MTAP: variants seen among roughly 807,000 people sequenced by gnomAD.
MTAP encodes S-methyl-5'-thioadenosine phosphorylase.
A neutral mutation model predicts 33.6 loss-of-function variants in MTAP; 33 were observed. That is an observed-to-expected ratio of 0.98 (90% CI 0.74 to 1.31). MTAP has a LOEUF of 1.31. MTAP is among the 40% of genes most tolerant of loss of function. The pLI is 0.00. For synonymous variants in MTAP, 148 were observed against 125.7 expected (o/e 1.18, Z -1.19); for missense variants, 367 against 360.0 (o/e 1.02, Z -0.16).
chr9:21,920,992 A>C (rs1329700472), intron 1 of MTAP, among the ~76,000 whole-genome samples: 1 of 152,112 alleles, frequency 6.6e-6, no homozygotes, highest in Non-Finnish European at 1.5e-5. Context: ...TTTTTTCTTT[A>C]AAAGTTTGAC....
intron 1 of MTAP, chr9:21,811,830 A>G: frequency 2.0e-6 from 1 of 490,402 alleles, no homozygotes; most frequent in East Asian, 5.6e-5. Context: ...ATCAGATCCT[A>G]GATAGCAGTG....
Position 21,859,360 on chromosome 9 carries a change from T to A in MTAP, c.748T>A (p.Leu250Ile), listed in dbSNP as rs781447330. 2 of 1,613,680 alleles carry A rather than the reference T, an allele frequency of 1.2e-6. No individual in the cohort carries two copies. Among genetic ancestry groups the A allele is most frequent in the Admixed American group, 3.3e-5 (2 of 59,968 alleles). Residue 250 changes from leucine to isoleucine, a missense_variant, in exon 7 of 8, where the codon TTA becomes ATA. Coordinates refer to ENST00000644715, the MANE Select transcript of MTAP (RefSeq NM_002451.4). ...AGAAAACGCTAATAAAGCCAAAAGC[T>A]TACTGCTCACTACCATACCTCAGAT... ...LKENANKAKSLLLTTIPQIGS... is the reference protein window; with the variant it reads ...LKENANKAKSILLTTIPQIGS...
At chr9:21,803,962 T>C (rs1307595433) in intron 1 of MTAP, among the ~76,000 whole-genome samples, 1 of 152,242 alleles carries the variant, frequency 6.6e-6, no homozygotes, top group Non-Finnish European at 1.5e-5. Flanking sequence ...ATGAAACTTA[T>C]TTTGTCATTT....
intron 1 of MTAP, among the ~76,000 whole-genome samples, chr9:21,926,703 T>C (rs1420267193): frequency 6.6e-6 from 1 of 152,170 alleles, no homozygotes; most frequent in Non-Finnish European, 1.5e-5. Context: ...CTACAGTACA[T>C]AGATGACAGA....
intron 3 of MTAP, among the ~76,000 whole-genome samples, chr9:21,817,246 T>C (rs1824497984): frequency 1.3e-5 from 2 of 152,168 alleles, no homozygotes; most frequent in African/African-American, 4.8e-5. Context: ...TTTATCCCAT[T>C]GTTAGAAGTT....
rs1373234523 is a variant in MTAP at position 21,865,566 on chromosome 9, C to G, written c.*3552C>G. The G allele has an allele frequency of 1.0e-6, 1 of 985,646 alleles. No homozygotes were observed. The highest frequency in any genetic ancestry group is 1.7e-5 in the African/African-American group (1 of 57,206). The allele number at this position is 985,646 out of a possible 1,614,324, so 61.1% of individuals were successfully genotyped here. A position where few individuals can be genotyped will look rare whatever the true frequency, so the allele number is the denominator to read the frequency against. On this transcript the variant is annotated 3_prime_UTR_variant, in exon 8 of 8. Transcript: ENST00000644715. ...GTTCCAGGATGGAAGAACCTGTGTT[C>G]TCCTCATAATAGTATAGAATAATTC...
At chr9:21,830,991 T>A (rs1367328367) in intron 4 of MTAP, among the ~76,000 whole-genome samples, 1 of 152,224 alleles carries the variant, frequency 6.6e-6, no homozygotes, top group African/African-American at 2.4e-5. Flanking sequence ...CAAGACTGTT[T>A]CCCTGCCAGC....
chr9:21,869,525 C>A (rs917330590), downstream of MTAP, among the ~76,000 whole-genome samples: 19 of 152,136 alleles, frequency 1.2e-4, no homozygotes, highest in African/African-American at 4.6e-4. Flanking sequence ...TGCCCTAGAG[C>A]TCAATCCTTG....
At chr9:21,840,574 A>G (rs1325929699) in intron 5 of MTAP, among the ~76,000 whole-genome samples, 1 of 152,226 alleles carries the variant, frequency 6.6e-6, no homozygotes, top group East Asian at 1.9e-4. Flanking sequence ...AAGTAGCAAC[A>G]GGAAGTGCTT....
At chr9:21,867,107 A>G (rs1419903116), downstream of MTAP, 7 of 152,086 alleles carry the variant, frequency 4.6e-5, no homozygotes, top group Non-Finnish European at 7.4e-5. Context: ...ATTTTATTGC[A>G]AGTGCCTTAG....
downstream of MTAP, chr9:21,933,807 A>G (rs1819000714): frequency 6.6e-6 from 1 of 152,194 alleles, no homozygotes; most frequent in Non-Finnish European, 1.5e-5. Flanking sequence ...GTATGCATGT[A>G]TGTGTAATAT....
Position 21,865,297 on chromosome 9 carries a change from C to A in MTAP, c.*3283C>A, listed in dbSNP as rs193056548. The stretch of plus-strand genomic sequence containing the variant: ...CTTCCTGCCATCATGTGAAGAAGGA[C>A]GTGTTTGTTTCCCCTTCTGCCACGA... On this transcript the variant is annotated 3_prime_UTR_variant, in exon 8 of 8. Transcript: ENST00000644715. 5 of 460,484 alleles carry A rather than the reference C, an allele frequency of 1.1e-5. No individual in the cohort carries two copies. The highest frequency in any genetic ancestry group is 1.1e-5 in the Non-Finnish European group (4 of 350,474). 28.5% of individuals were successfully genotyped at this position (460,484 alleles called of 1,614,324 possible).
chr9:21,812,273 G>A (rs1031696234), intron 1 of MTAP: 2 of 230,002 alleles, frequency 8.7e-6, no homozygotes, highest in East Asian at 1.1e-4. Flanking sequence ...ACACCAGGTG[G>A]TTCAAGTCAC....
chr9:21,894,762 A>G (rs922941222), intron 1 of MTAP, among the ~76,000 whole-genome samples: 7 of 151,878 alleles, frequency 4.6e-5, no homozygotes, highest in African/African-American at 1.7e-4. Flanking sequence ...ATATATATAT[A>G]TAAAAGAAAA....
intron 1 of MTAP, among the ~76,000 whole-genome samples, chr9:21,914,071 T>C (rs372510174): frequency 6.6e-6 from 1 of 152,030 alleles, no homozygotes; most frequent in East Asian, 1.9e-4. Context: ...CAAATCAAAA[T>C]CACAATGAGA....
At chr9:21,855,203 A>T (rs1460573194) in intron 6 of MTAP, among the ~76,000 whole-genome samples, 1 of 152,126 alleles carries the variant, frequency 6.6e-6, no homozygotes, top group African/African-American at 2.4e-5. Context: ...TGTTTTCAAG[A>T]AGGAAAAAAA....
chr9:21,802,813 G>C, intron 1 of MTAP, 32 bp downstream of exon 1: 1 of 1,611,644 alleles, frequency 6.2e-7, no homozygotes, highest in Non-Finnish European at 8.5e-7. Context: ...GCAGCGGTTC[G>C]CCCTGCCGGA....
At position 21,862,193 on chromosome 9, in the gene MTAP, C is replaced by G. The variant is rs1587257868; in HGVS notation, c.*179C>G. On this transcript the variant is annotated 3_prime_UTR_variant, in exon 8 of 8. Coordinates refer to ENST00000644715, the MANE Select transcript of MTAP (RefSeq NM_002451.4). Reference sequence around the variant, plus strand: ...ATTAGAGACTCCTGAATGATTTAGACAACTTCAAAATACAGAAGAAAAGCA... The same window carrying G: ...ATTAGAGACTCCTGAATGATTTAGAGAACTTCAAAATACAGAAGAAAAGCA... The G allele has an allele frequency of 7.4e-7, 1 of 1,353,704 alleles. No individual in the cohort carries two copies. Among genetic ancestry groups the G allele is most frequent in the East Asian group, 2.8e-5 (1 of 35,940 alleles). 83.9% of individuals were successfully genotyped at this position (1,353,704 alleles called of 1,614,324 possible).
chr9:21,805,614 C>A (rs1430723874), intron 1 of MTAP, among the ~76,000 whole-genome samples: 1 of 152,092 alleles, frequency 6.6e-6, no homozygotes, highest in African/African-American at 2.4e-5. Flanking sequence ...GGCCTTTGGG[C>A]GTGATTGGGG....
Sources: allele counts gnomAD v4.1 joint callset (sites outside exome capture counted in the v4.1 genomes callset), GRCh38; gene constraint gnomAD v4.1.1; transcripts MANE v1.5; gene names NCBI Gene and HGNC (gene_info 2026-07-23, HGNC 2026-07-21).